THAP5: variants seen among roughly 807,000 people sequenced by gnomAD.
THAP5 encodes the protein THAP domain-containing protein 5.
In THAP5, 26 loss-of-function variants were observed where a neutral mutation model predicts 34.0. The ratio of observed to expected loss-of-function variants is 0.77; its 90% CI spans 0.56 to 1.06. The LOEUF (loss-of-function observed/expected upper bound fraction) is 1.06, where lower values mean the gene tolerates loss of function less well. Ranked by LOEUF, THAP5 falls within the 50% of genes least tolerant of loss-of-function variation. THAP5 has a pLI of 0.00. For missense variants in THAP5, 394 were observed against 452.8 expected (o/e 0.87, Z 1.18); for synonymous variants, 125 against 153.0 (o/e 0.82, Z 1.35).
Position 108,569,571 on chromosome 7 carries a change from A to T in THAP5, c.-2T>A. On this transcript the variant is annotated 5_prime_UTR_variant, in exon 1 of 3. Transcript: ENST00000415914. ...AATCGCTGCGCAATAGCGGGGCATG[A>T]CTCGGGTGAGGCCCCTGGAGACCGG... 13 of 1,551,422 alleles carry T rather than the reference A, an allele frequency of 8.4e-6. No homozygotes were observed. Among genetic ancestry groups the T allele is most frequent in the Non-Finnish European group, 1.1e-5 (13 of 1,147,018 alleles).
intron 1 of THAP5, chr7:108,568,468 G>A (rs1411427223): frequency 1.3e-5 from 2 of 154,506 alleles, no homozygotes; most frequent in Non-Finnish European, 2.9e-5. Context: ...GCCTCCCAAA[G>A]TGCTGGGATT....
chr7:108,553,208 T>C (rs1322699440), downstream of THAP5, among the ~76,000 whole-genome samples: 1 of 152,052 alleles, frequency 6.6e-6, no homozygotes, highest in African/African-American at 2.4e-5. Context: ...TGCTGCTCTC[T>C]TAAATTTTTT....
At chr7:108,549,376 TC>T in the THAP5 span, among the ~76,000 whole-genome samples, 1 of 152,160 alleles carries the variant, frequency 6.6e-6, no homozygotes, top group African/African-American at 2.4e-5. Context: ...CGCCTCGGCC[TC>T]CCAAAGTGCT....
At chr7:108,547,798 A>G in the THAP5 span, among the ~76,000 whole-genome samples, 1 of 152,096 alleles carries the variant, frequency 6.6e-6, no homozygotes, top group East Asian at 1.9e-4. Context: ...TTCCATTTCT[A>G]TGTTTCAGGG....
chr7:108,565,722 G>T (rs62467889), intron 2 of THAP5, 108 bp downstream of exon 2: 2 of 829,900 alleles, frequency 2.4e-6, no homozygotes, highest in Non-Finnish European at 3.4e-6. Flanking sequence ...TTTTTTCCAA[G>T]TATCTGTTTA....
chr7:108,561,303 GCC>G, downstream of THAP5, among the ~76,000 whole-genome samples: 1 of 150,818 alleles, frequency 6.6e-6, no homozygotes, highest in South Asian at 2.1e-4. Flanking sequence ...TCACTTTGAT[GCC>G]CAGGCTGGAA....
chr7:108,549,969 T>C (rs1864343532), downstream of THAP5, among the ~76,000 whole-genome samples: 1 of 152,210 alleles, frequency 6.6e-6, no homozygotes, highest in Non-Finnish European at 1.5e-5. Context: ...TCTTTCTTGA[T>C]TTGAATTTCC....
chr7:108,550,484 A>G (rs1239233887), downstream of THAP5, among the ~76,000 whole-genome samples: 1 of 150,756 alleles, frequency 6.6e-6, no homozygotes, highest in African/African-American at 2.4e-5. Flanking sequence ...TTTTTCTATT[A>G]CAATTCTCTA....
At chr7:108,553,333 T>G (rs1020983858), downstream of THAP5, among the ~76,000 whole-genome samples, 2 of 152,174 alleles carry the variant, frequency 1.3e-5, no homozygotes, top group African/African-American at 4.8e-5. Flanking sequence ...ACTGAGCCAG[T>G]GTACCTGGCT....
At chr7:108,553,828 A>G (rs1032875665), downstream of THAP5, among the ~76,000 whole-genome samples, 5 of 152,002 alleles carry the variant, frequency 3.3e-5, no homozygotes, top group Admixed American at 2.0e-4. Flanking sequence ...TTGTCCATCA[A>G]CCTCTAACTG....
At chr7:108,561,185 C>CT (rs1864426785), downstream of THAP5, among the ~76,000 whole-genome samples, 1 of 152,114 alleles carries the variant, frequency 6.6e-6, no homozygotes, top group South Asian at 2.1e-4. Flanking sequence ...TAAAATGTTG[C>CT]TTTGGTCACT....
rs1442424225 is a variant in THAP5, at chr7:108,565,006, C to G, written c.373G>C (p.Glu125Gln). Residue 125 changes from glutamate to glutamine, a missense_variant, in exon 3 of 3, where the codon GAG becomes CAG. Glu to Gln is a conservative substitution (Grantham distance 29, BLOSUM62 2). Coordinates refer to ENST00000415914, the MANE Select transcript of THAP5 (RefSeq NM_001130475.3). ...GTGTTAACTATATTTTTCTTTGTCT[C>G]ATTTAATACAAATGATTCTTCTGAC... ...AKSEESFVLN[E>Q]TKKNIVNTDV... The G allele has an allele frequency of 1.9e-6, 3 of 1,551,686 alleles. No homozygotes were observed. Among genetic ancestry groups the G allele is most frequent in the Admixed American group, 3.9e-5 (2 of 50,980 alleles).
chr7:108,560,162 T>A (rs1299697023), downstream of THAP5, among the ~76,000 whole-genome samples: 1 of 152,224 alleles, frequency 6.6e-6, no homozygotes, highest in Non-Finnish European at 1.5e-5. Context: ...CTTTCTCTGA[T>A]GGCTTAGTAG....
intron 1 of THAP5, among the ~76,000 whole-genome samples, chr7:108,566,283 G>A (rs1790486322): frequency 6.6e-6 from 1 of 152,134 alleles, no homozygotes; most frequent in Non-Finnish European, 1.5e-5. Context: ...GTCCCTTCAA[G>A]TAAAATATAT....
downstream of THAP5, among the ~76,000 whole-genome samples, chr7:108,549,959 T>G (rs988124986): frequency 2.0e-5 from 3 of 152,208 alleles, no homozygotes; most frequent in Admixed American, 2.0e-4. Flanking sequence ...TCCTTTTGCT[T>G]CTTTCTTGAT....
At position 108,564,508 on chromosome 7, in the gene THAP5, CAG is replaced by C. The variant is rs759509412; in HGVS notation, c.869_870del (p.Ser290CysfsTer14). 3 of 1,613,888 alleles carry C rather than the reference CAG, an allele frequency of 1.9e-6. No homozygotes were observed. The South Asian group carries it at 3.3e-5, about 18-fold the overall frequency. On this transcript the variant is annotated frameshift_variant, in exon 3 of 3. Transcript: ENST00000415914. LOFTEE classifies it high-confidence loss of function. ...NSKPSVNSFI[S>X]AQKETTEMED... ...TCCATTTCCGTGGTTTCTTTTTGTG[CAG>C]ATATAAAAGAATTAACTGAGGGTTT...
Position 108,569,648 on chromosome 7 carries a change from C to T in THAP5, c.-79G>A, listed in dbSNP as rs1460985310. The T allele has an allele frequency of 6.6e-7, 1 of 1,518,116 alleles. No individual in the cohort carries two copies. The highest frequency in any genetic ancestry group is 1.4e-5 in the African/African-American group (1 of 72,294). 94.0% of individuals were successfully genotyped at this position (1,518,116 alleles called of 1,614,324 possible). On this transcript the variant is annotated 5_prime_UTR_variant, in exon 1 of 3. Coordinates refer to ENST00000415914, the MANE Select transcript of THAP5 (RefSeq NM_001130475.3). ...TCCTCACTGAGGATGCGCCACAGGT[C>T]CAGGCCTCTCGAGCCCCTGCGCCTG...
At chr7:108,546,315 C>T in the THAP5 span, among the ~76,000 whole-genome samples, 1 of 152,226 alleles carries the variant, frequency 6.6e-6, no homozygotes, top group South Asian at 2.1e-4. Context: ...GAGACTGATA[C>T]ATAAAGAGGC....
chr7:108,555,989 C>T (rs746924836), intron 1 of THAP5, among the ~76,000 whole-genome samples: 39 of 152,162 alleles, frequency 2.6e-4, no homozygotes, highest in Non-Finnish European at 4.9e-4. Flanking sequence ...AGGCATGGGC[C>T]ACTGTGCTTG....
Sources: gnomAD v4.1 joint callset for allele counts (sites outside exome capture counted in the v4.1 genomes callset) on GRCh38, gnomAD v4.1.1 for gene constraint, MANE v1.5 for transcripts, NCBI Gene and HGNC (gene_info 2026-07-23, HGNC 2026-07-21) for gene names.